LY96: variants seen among roughly 807,000 people sequenced by gnomAD.
LY96 encodes the protein myeloid differentiation protein-2.
A neutral mutation model predicts 18.9 loss-of-function variants in LY96; 18 were observed. The observed-to-expected ratio is 0.95, with a 90% CI of 0.66 to 1.41. LY96 has a LOEUF of 1.41. Ranked by LOEUF, LY96 falls within the 40% of genes most tolerant of loss-of-function variation. The probability of loss-of-function intolerance (pLI) is 0.00; values close to 1 mark genes in which losing one functional copy is unlikely to be tolerated. For missense variants in LY96, 175 were observed against 182.4 expected, an observed-to-expected ratio of 0.96 and a Z score of 0.23; for synonymous variants, 66 against 62.6, an observed-to-expected ratio of 1.06 and a Z score of -0.26.
At chr8:74,060,471 T>A in the LY96 span, among the ~76,000 whole-genome samples, 36 of 152,364 alleles carry the variant, frequency 2.4e-4, no homozygotes, top group East Asian at 6.0e-3. Flanking sequence ...TCATTTTTCC[T>A]TGTTGAACAC....
chr8:74,055,458 G>A, the LY96 span, among the ~76,000 whole-genome samples: 1 of 152,104 alleles, frequency 6.6e-6, no homozygotes, highest in African/African-American at 2.4e-5. Context: ...CAAAGTGCCA[G>A]TCATAAGGTT....
At chr8:74,005,203 T>C (rs1197260367) in intron 2 of LY96, among the ~76,000 whole-genome samples, 24 of 152,236 alleles carry the variant, frequency 1.6e-4, no homozygotes, top group Admixed American at 1.6e-3. Context: ...CAGTATTCAG[T>C]TGTTAGTATT....
chr8:74,065,822 A>T, the LY96 span, among the ~76,000 whole-genome samples: 3 of 152,232 alleles, frequency 2.0e-5, no homozygotes, highest in Non-Finnish European at 1.5e-5. Flanking sequence ...ATTTAAATTA[A>T]GAGGGAACAT....
chr8:73,996,264 A>G (rs1447215849), intron 1 of LY96, among the ~76,000 whole-genome samples: 2 of 152,020 alleles, frequency 1.3e-5, no homozygotes, highest in Non-Finnish European at 2.9e-5. Context: ...TGGCCTTCCA[A>G]AGTGCTGGAA....
the LY96 span, among the ~76,000 whole-genome samples, chr8:74,076,594 G>A: frequency 6.6e-6 from 1 of 151,990 alleles, no homozygotes; most frequent in Non-Finnish European, 1.5e-5. Flanking sequence ...CAAAGTGCTG[G>A]GGTTACAGGC....
intron 1 of LY96, among the ~76,000 whole-genome samples, chr8:74,001,937 A>ACCTTCCTT (rs568575292): frequency 0.018 from 1,139 of 63,448 alleles, 119 homozygotes; most frequent in Middle Eastern, 0.027. Context: ...TTTTCAACCA[A>ACCTTCCTT]CCTTCCTTCC....
the LY96 span, among the ~76,000 whole-genome samples, chr8:74,097,800 A>G: frequency 6.6e-6 from 1 of 152,228 alleles, no homozygotes; most frequent in Admixed American, 6.5e-5. Context: ...TGTGGTCTTC[A>G]GACCAGCATC....
At chr8:74,028,503 C>T (rs1816914742) in intron 4 of LY96, among the ~76,000 whole-genome samples, 1 of 152,060 alleles carries the variant, frequency 6.6e-6, no homozygotes. Context: ...ACATAAATTA[C>T]AGACTTTTTT....
intron 2 of LY96, among the ~76,000 whole-genome samples, chr8:74,009,766 T>C (rs1162134942): frequency 6.6e-6 from 1 of 152,232 alleles, no homozygotes. Flanking sequence ...AGAGCATGCA[T>C]AGTTTTACTG....
At chr8:73,993,235 A>G (rs1816047481) in intron 1 of LY96, among the ~76,000 whole-genome samples, 1 of 151,990 alleles carries the variant, frequency 6.6e-6, no homozygotes, top group South Asian at 2.1e-4. Context: ...TTTCTTAACA[A>G]TAACTCAATT....
At chr8:74,032,125 A>AAAAAAC (rs1816982057), downstream of LY96, among the ~76,000 whole-genome samples, 1 of 152,188 alleles carries the variant, frequency 6.6e-6, no homozygotes, top group Non-Finnish European at 1.5e-5. Flanking sequence ...ATCCTGTCTC[A>AAAAAAC]AAAAACAAAA....
chr8:74,035,966 C>A, the LY96 span, among the ~76,000 whole-genome samples: 1 of 152,152 alleles, frequency 6.6e-6, no homozygotes, highest in African/African-American at 2.4e-5. Context: ...CAAGCTGTAT[C>A]CTGATTACCT....
chr8:74,011,904 TA>T (rs2131270168), intron 3 of LY96, among the ~76,000 whole-genome samples: 1 of 150,558 alleles, frequency 6.6e-6, no homozygotes, highest in African/African-American at 2.4e-5. Flanking sequence ...AATAGACACT[TA>T]TAGATACTTT....
chr8:74,063,557 T>C, the LY96 span, among the ~76,000 whole-genome samples: 2 of 152,156 alleles, frequency 1.3e-5, no homozygotes, highest in African/African-American at 4.8e-5. Flanking sequence ...CCTGCTGAGA[T>C]TGTGGTTGGA....
rs190435188 is a variant in LY96, at chr8:73,997,120, G to A, written c.112+5566G>A. ...GATCAGCCTGCCTTGGCCTCCCAAC[G>A]TGTCGGGATTACAGGCATGAGCCAC... On this transcript the variant is annotated intron_variant, in intron 1 of 4. Transcript: ENST00000284818. 5.1e-4 allele frequency among the ~76,000 whole-genome samples: 78 copies of A among 152,272 alleles called. 2 individuals are homozygous for A. The highest frequency in any genetic ancestry group is 1.2e-3 in the Admixed American group (18 of 15,294).
At chr8:74,027,639 C>A (rs550389883) in intron 4 of LY96, among the ~76,000 whole-genome samples, 50 of 152,206 alleles carry the variant, frequency 3.3e-4, no homozygotes, top group African/African-American at 1.1e-3. Flanking sequence ...AGGAAGAGAG[C>A]TTTTATTTCT....
the LY96 span, among the ~76,000 whole-genome samples, chr8:74,076,822 T>A: frequency 6.6e-6 from 1 of 152,160 alleles, no homozygotes; most frequent in African/African-American, 2.4e-5. Flanking sequence ...CAGCTGGGTG[T>A]ACTACAACTT....
the LY96 span, among the ~76,000 whole-genome samples, chr8:74,093,045 C>T: frequency 9.5e-4 from 144 of 152,252 alleles, no homozygotes; most frequent in Non-Finnish European, 1.5e-3. Context: ...CCTGCCCAGC[C>T]CATCACTGTA....
At chr8:74,037,663 T>C in the LY96 span, among the ~76,000 whole-genome samples, 22 of 152,106 alleles carry the variant, frequency 1.4e-4, no homozygotes, top group African/African-American at 5.3e-4. Flanking sequence ...TTTTTAAAAA[T>C]TAAAAAAATA....
Sources: gnomAD v4.1 joint callset for allele counts (sites outside exome capture counted in the v4.1 genomes callset) on GRCh38, gnomAD v4.1.1 for gene constraint, MANE v1.5 for transcripts, NCBI Gene and HGNC (gene_info 2026-07-23, HGNC 2026-07-21) for gene names.